Variants in DAB1 observed in about 807,000 individuals in gnomAD.
The protein encoded by DAB1 is DAB adaptor protein 1, also known as disabled homolog 1.
Under a neutral mutation model 64.6 loss-of-function variants are expected in DAB1, and 15 were observed. That is an observed-to-expected ratio of 0.23 (90% confidence interval 0.16 to 0.36). The LOEUF (loss-of-function observed/expected upper bound fraction) is 0.36. Ranked by LOEUF, DAB1 falls within the 10% of genes least tolerant of loss-of-function variation. The pLI is 1.00. For synonymous variants in DAB1, 235 were observed against 251.9 expected, an observed-to-expected ratio of 0.93 and a Z score of 0.64; for missense variants, 596 against 706.7, an observed-to-expected ratio of 0.84 and a Z score of 1.78.
chr1:58,511,553 T>C (rs973355890), intron 2 of DAB1, among the ~76,000 whole-genome samples: 1 of 151,880 alleles, frequency 6.6e-6, no homozygotes, highest in African/African-American at 2.4e-5. Context: ...CACCTGAGCC[T>C]GGGAAGTCGA....
In DAB1 at chr1:58,132,826, G is replaced by A. The variant is rs1019678413; in HGVS notation, n.387+17685C>T. 3.9e-5 allele frequency among the ~76,000 whole-genome samples: 6 copies of A among 152,176 alleles called. No individual in the cohort carries two copies. In the East Asian group the frequency reaches 9.6e-4, roughly 24 times the overall value. On this transcript the variant is annotated intron_variant and non_coding_transcript_variant, in intron 5 of 20. Transcript: ENST00000485760. The stretch of plus-strand genomic sequence containing the variant: ...TGTAGCCTAATAGGAGACTGAAGTA[G>A]TAGGTCGCACCCTGGATAACAGCAC...
At chr1:57,778,125 T>C (rs991682604) in intron 6 of DAB1, among the ~76,000 whole-genome samples, 3 of 152,082 alleles carry the variant, frequency 2.0e-5, no homozygotes, top group African/African-American at 7.2e-5. Flanking sequence ...TGTTCTTTAA[T>C]CAGCTAAGTG....
intron 7 of DAB1, among the ~76,000 whole-genome samples, chr1:57,623,913 G>A (rs1224150358): frequency 6.6e-6 from 1 of 152,150 alleles, no homozygotes; most frequent in African/African-American, 2.4e-5. Flanking sequence ...GTCCATGAGA[G>A]AATTCATGCT....
intron 6 of DAB1, among the ~76,000 whole-genome samples, chr1:57,760,928 GCAGC>G (rs1649058634): frequency 6.6e-6 from 1 of 152,182 alleles, no homozygotes; most frequent in Non-Finnish European, 1.5e-5. Context: ...AAGCCAAGGT[GCAGC>G]CACCTACAAT....
At chr1:57,267,086 C>T (rs1670642198) in intron 2 of DAB1, among the ~76,000 whole-genome samples, 1 of 152,020 alleles carries the variant, frequency 6.6e-6, no homozygotes, top group African/African-American at 2.4e-5. Flanking sequence ...AATTAAGAAT[C>T]TTGAGATGAA....
At chr1:57,213,097 C>T (rs1340516188) in intron 2 of DAB1, among the ~76,000 whole-genome samples, 1 of 147,912 alleles carries the variant, frequency 6.8e-6, no homozygotes, top group Non-Finnish European at 1.5e-5. Context: ...TGATCTAAAG[C>T]AGCATTGTCC....
chr1:57,795,777 C>T (rs1207907940), intron 6 of DAB1, among the ~76,000 whole-genome samples: 4 of 133,108 alleles, frequency 3.0e-5, no homozygotes, highest in Admixed American at 1.6e-4. Context: ...GGGAGAAATA[C>T]TAGTTTTAGA....
intron 4 of DAB1, among the ~76,000 whole-genome samples, chr1:58,191,160 G>A (rs1291453135): frequency 1.3e-5 from 2 of 152,196 alleles, no homozygotes; most frequent in Non-Finnish European, 1.5e-5. Context: ...GGGACTGAGA[G>A]ATCTTCTTAG....
At chr1:57,623,814 G>T (rs1645890400) in intron 7 of DAB1, among the ~76,000 whole-genome samples, 1 of 152,170 alleles carries the variant, frequency 6.6e-6, no homozygotes, top group Non-Finnish European at 1.5e-5. Context: ...TCTTACACCT[G>T]TCCATGCCCT....
chr1:57,212,125 C>A (rs1666058107), intron 2 of DAB1, among the ~76,000 whole-genome samples: 2 of 152,072 alleles, frequency 1.3e-5, no homozygotes, highest in Admixed American at 6.5e-5. Flanking sequence ...AAGTGGTCTG[C>A]CTCCTAAACC....
intron 4 of DAB1, among the ~76,000 whole-genome samples, chr1:57,079,292 G>A (rs916424908): frequency 6.6e-6 from 1 of 151,914 alleles, no homozygotes; most frequent in Non-Finnish European, 1.5e-5. Flanking sequence ...AACCCTCCTT[G>A]AGCCCATTCA....
chr1:58,338,313 C>A (rs1311536529), intron 4 of DAB1, among the ~76,000 whole-genome samples: 2 of 152,114 alleles, frequency 1.3e-5, no homozygotes, highest in African/African-American at 4.8e-5. Flanking sequence ...CCTCTCCTTC[C>A]CCTCCCACTT....
chr1:57,046,362 G>C (rs1450043847), intron 9 of DAB1, among the ~76,000 whole-genome samples: 2 of 152,114 alleles, frequency 1.3e-5, no homozygotes, highest in East Asian at 3.9e-4. Flanking sequence ...TGTATCCTTT[G>C]GGTTGTGACT....
chr1:57,056,363 G>C (rs1239159941), intron 9 of DAB1, among the ~76,000 whole-genome samples: 1 of 149,578 alleles, frequency 6.7e-6, no homozygotes, highest in African/African-American at 2.5e-5. Context: ...AAAATTGCCA[G>C]GCATGGTGGT....
intron 2 of DAB1, among the ~76,000 whole-genome samples, chr1:57,222,746 G>C (rs1666977568): frequency 6.6e-6 from 1 of 152,092 alleles, no homozygotes. Context: ...CATAGGGATA[G>C]GTATAATTGT....
intron 4 of DAB1, among the ~76,000 whole-genome samples, chr1:57,104,775 A>C (rs1196624151): frequency 6.6e-6 from 1 of 151,998 alleles, no homozygotes; most frequent in Non-Finnish European, 1.5e-5. Context: ...GAATATATGA[A>C]CTGTAGAAGA....
chr1:57,455,945 T>A (rs1176808914), intron 7 of DAB1, among the ~76,000 whole-genome samples: 1 of 152,178 alleles, frequency 6.6e-6, no homozygotes, highest in East Asian at 1.9e-4. Flanking sequence ...TCATTAAAAA[T>A]TTCTTTGAAA....
At chr1:57,439,986 T>C (rs1685879018) in intron 7 of DAB1, among the ~76,000 whole-genome samples, 1 of 152,186 alleles carries the variant, frequency 6.6e-6, no homozygotes, top group Admixed American at 6.5e-5. Flanking sequence ...CATACTATTA[T>C]ATGCCCCTGA....
chr1:58,467,760 T>C (rs1159361571), intron 3 of DAB1, among the ~76,000 whole-genome samples: 1 of 152,246 alleles, frequency 6.6e-6, no homozygotes, highest in Non-Finnish European at 1.5e-5. Context: ...TTTTTTATTA[T>C]GAAATACTTC....
Sources: gnomAD v4.1 joint callset for allele counts (sites outside exome capture counted in the v4.1 genomes callset) on GRCh38, gnomAD v4.1.1 for gene constraint, MANE v1.5 for transcripts, NCBI Gene and HGNC (gene_info 2026-07-23, HGNC 2026-07-21) for gene names.